The following INPP5A variants were observed in gnomAD, a reference collection of about 807,000 sequenced individuals.
INPP5A encodes inositol polyphosphate-5-phosphatase A, also known as 43 kDa inositol polyphosphate 5-phophatase.
Under a neutral mutation model 65.2 loss-of-function variants are expected in INPP5A, and 14 were observed. The ratio of observed to expected loss-of-function variants is 0.21; its 90% CI spans 0.14 to 0.34. INPP5A has a LOEUF of 0.34. INPP5A is among the 10% of genes least tolerant of loss of function. INPP5A has a pLI of 1.00. For synonymous variants in INPP5A, 207 were observed against 208.3 expected (o/e 0.99, Z 0.05); for missense variants, 431 against 545.6 (o/e 0.79, Z 2.09).
rs754977635 is a variant in INPP5A, at chr10:132,675,246, C to T, written c.307-15146C>T. On this transcript the variant is annotated intron_variant, in intron 4 of 15. Coordinates refer to ENST00000368594, the MANE Select transcript of INPP5A (RefSeq NM_005539.5). The surrounding 1 kb of genome is among the most constrained non-coding windows in gnomAD (Gnocchi z 4.2). ...CTGCAGAAATGGTAACCGCAGGGGA[C>T]GGTGCAGCCGCATCTTCCGTGTCCT... 6.6e-5 allele frequency among the ~76,000 whole-genome samples: 10 copies of T among 152,312 alleles called. No individual in the cohort carries two copies. Among genetic ancestry groups the T allele is most frequent in the Middle Eastern group, 3.4e-3 (1 of 294 alleles).
At chr10:132,780,565 G>A (rs968154361) in intron 13 of INPP5A, among the ~76,000 whole-genome samples, 1 of 152,248 alleles carries the variant, frequency 6.6e-6, no homozygotes, top group Admixed American at 6.5e-5. Context: ...GCCAGCACCC[G>A]CGGCTCCCCA....
At chr10:132,757,911 G>A (rs75039145) in intron 11 of INPP5A, among the ~76,000 whole-genome samples, 5 of 147,554 alleles carry the variant, frequency 3.4e-5, no homozygotes, top group East Asian at 2.0e-4. Context: ...AGGCCAGTGC[G>A]ATGTCGTGGG....
intron 2 of INPP5A, among the ~76,000 whole-genome samples, chr10:132,626,168 C>T (rs565683180): frequency 1.2e-3 from 187 of 152,360 alleles, no homozygotes; most frequent in Admixed American, 2.3e-3. Flanking sequence ...TGTTGTCACA[C>T]ACTGTGGCTC....
At chr10:132,771,907 G>C (rs1230228077) in intron 12 of INPP5A, among the ~76,000 whole-genome samples, 1 of 61,434 alleles carries the variant, frequency 1.6e-5, no homozygotes, top group Non-Finnish European at 3.2e-5. Context: ...TGACACAGAG[G>C]CCACAGCAGC....
chr10:132,643,834 G>A (rs1419523627), intron 2 of INPP5A, among the ~76,000 whole-genome samples: 1 of 152,134 alleles, frequency 6.6e-6, no homozygotes, highest in African/African-American at 2.4e-5. Context: ...CTGTGAGTGA[G>A]GAGAGTGCTG....
At chr10:132,548,441 G>A (rs2071006883) in intron 1 of INPP5A, among the ~76,000 whole-genome samples, 1 of 152,204 alleles carries the variant, frequency 6.6e-6, no homozygotes. Flanking sequence ...GCCTGGGGGT[G>A]TTCCGAGATC....
chr10:132,710,999 G>T (rs1845627940), intron 8 of INPP5A, among the ~76,000 whole-genome samples: 1 of 152,200 alleles, frequency 6.6e-6, no homozygotes, highest in Non-Finnish European at 1.5e-5. Flanking sequence ...GCCCCATGGA[G>T]GTGGCAGAGC....
intron 14 of INPP5A, 142 bp downstream of exon 14, chr10:132,781,059 T>G (rs1204875733): frequency 3.0e-6 from 2 of 664,676 alleles, no homozygotes; most frequent in African/African-American, 3.5e-5. Flanking sequence ...TCTCCTGTTC[T>G]CCTGTCTTCT....
chr10:132,782,713 C>T lies in INPP5A; in HGVS notation c.*684C>T, dbSNP rs191439059. ...ACAGGAGAGTCCCATCAGCAGGCGG[C>T]ATTGGAGTCTAGGAGCTCAGCTGTG... On this transcript the variant is annotated 3_prime_UTR_variant, in exon 16 of 16. Coordinates refer to ENST00000368594, the MANE Select transcript of INPP5A (RefSeq NM_005539.5). The surrounding 1 kb of genome is among the most constrained non-coding windows in gnomAD (Gnocchi z 4.4). The T allele has an allele frequency of 3.9e-5, 6 of 152,400 alleles. No homozygotes were observed. In the East Asian group the frequency reaches 1.2e-3, roughly 29 times the overall value. The allele number at this position is 152,400 out of a possible 1,614,324, so 9.4% of individuals were successfully genotyped here.
chr10:132,618,972 G>C (rs2133358153), intron 2 of INPP5A, among the ~76,000 whole-genome samples: 1 of 152,278 alleles, frequency 6.6e-6, no homozygotes, highest in South Asian at 2.1e-4. Flanking sequence ...TTCAACATGA[G>C]ATTTGGCCGG....
At position 132,705,234 on chromosome 10, in the gene INPP5A, G is replaced by A. The variant is rs1425050960; in HGVS notation, c.475-3079G>A. On this transcript the variant is annotated intron_variant, in intron 6 of 15. Transcript: ENST00000368594. This position sits in a 1 kb window ranked among gnomAD's most constrained non-coding sequence, Gnocchi z 4.9. ...GAAATGAACACAGAGGCTCCCCGGGGCAAATGGCCTCCCCGAGAGAGGAGG... is the reference window on the plus strand; with the variant it reads ...GAAATGAACACAGAGGCTCCCCGGGACAAATGGCCTCCCCGAGAGAGGAGG... Among the ~76,000 whole-genome samples the A allele has an allele frequency of 6.6e-6, 1 of 152,218 alleles. No individual in the cohort carries two copies. Among genetic ancestry groups the A allele is most frequent in the Non-Finnish European group, 1.5e-5 (1 of 68,034 alleles).
chr10:132,548,694 G>GT (rs2071010848), intron 1 of INPP5A, among the ~76,000 whole-genome samples: 1 of 152,110 alleles, frequency 6.6e-6, no homozygotes. Flanking sequence ...GTGAACCACA[G>GT]GCTGTGTTGT....
In INPP5A at chr10:132,753,428, A is replaced by G. The variant is rs972074675; in HGVS notation, c.903+3583A>G. On this transcript the variant is annotated intron_variant, in intron 11 of 15. Coordinates refer to ENST00000368594, the MANE Select transcript of INPP5A (RefSeq NM_005539.5). This position sits in a 1 kb window ranked among gnomAD's most constrained non-coding sequence, Gnocchi z 5.3. ...CTTGTACCCGTCTGACAGAAATTTA[A>G]TTCAGGCTGGCTCCTGAAAATAATT... 6.6e-6 allele frequency among the ~76,000 whole-genome samples: 1 copy of G among 152,192 alleles called. No homozygotes were observed. Among genetic ancestry groups the G allele is most frequent in the African/African-American group, 2.4e-5 (1 of 41,442 alleles).
At chr10:132,686,771 G>A (rs1845138311) in intron 4 of INPP5A, among the ~76,000 whole-genome samples, 1 of 152,152 alleles carries the variant, frequency 6.6e-6, no homozygotes, top group South Asian at 2.1e-4. Context: ...TGTTTTTTCA[G>A]AGTGCTTTCT....
intron 1 of INPP5A, among the ~76,000 whole-genome samples, chr10:132,583,018 C>T (rs932682118): frequency 2.2e-4 from 34 of 152,084 alleles, no homozygotes; most frequent in African/African-American, 6.0e-4. Flanking sequence ...GATCAGTGTG[C>T]GGGGGAGTGA....
At chr10:132,759,098 T>C (rs1409705245) in intron 11 of INPP5A, among the ~76,000 whole-genome samples, 2 of 152,238 alleles carry the variant, frequency 1.3e-5, no homozygotes, top group Admixed American at 1.3e-4. Context: ...CTGTGCATGG[T>C]ATGCTTCTGA....
rs2072934315 is a variant in INPP5A, at chr10:132,674,330, T to C, written c.307-16062T>C. 1.3e-5 allele frequency among the ~76,000 whole-genome samples: 2 copies of C among 152,188 alleles called. No individual in the cohort carries two copies. Among genetic ancestry groups the C allele is most frequent in the African/African-American group, 4.8e-5 (2 of 41,504 alleles). ...TGGCCATTTCTCCTTCCAAGCAGAG[T>C]GCACAAGCGGGTGCACTGCTTGAAG... On this transcript the variant is annotated intron_variant, in intron 4 of 15. Transcript: ENST00000368594. This position sits in a 1 kb window ranked among gnomAD's most constrained non-coding sequence, Gnocchi z 4.4.
chr10:132,564,695 G>C (rs1457762857), intron 1 of INPP5A, among the ~76,000 whole-genome samples: 1 of 152,260 alleles, frequency 6.6e-6, no homozygotes, highest in Non-Finnish European at 1.5e-5. Context: ...GGGCAGACGG[G>C]AGTGTGCAGT....
chr10:132,756,174 A>AGT (rs141957123), intron 11 of INPP5A, among the ~76,000 whole-genome samples: 4 of 150,928 alleles, frequency 2.7e-5, no homozygotes, highest in Non-Finnish European at 5.9e-5. Flanking sequence ...GTGGGGGGGG[A>AGT]GTGTGTGTGT....
Sources: gnomAD v4.1 joint callset for allele counts (sites outside exome capture counted in the v4.1 genomes callset) on GRCh38, gnomAD v4.1.1 for gene constraint, Gnocchi (gnomAD v3.1) non-coding constraint, MANE v1.5 for transcripts, NCBI Gene and HGNC (gene_info 2026-07-23, HGNC 2026-07-21) for gene names.